Variants in CALN1 observed in about 807,000 individuals in gnomAD.
CALN1 encodes the protein calneuron 1.
CALN1 carries 17 observed loss-of-function variants against 30.6 expected under a neutral mutation model. The ratio of observed to expected loss-of-function variants is 0.56; its 90% CI spans 0.38 to 0.83. The LOEUF (loss-of-function observed/expected upper bound fraction) is 0.83. Ranked by LOEUF, CALN1 falls within the 40% of genes least tolerant of loss-of-function variation. The probability of loss-of-function intolerance (pLI) is 0.00; values close to 1 mark genes in which losing one functional copy is unlikely to be tolerated. For missense variants in CALN1, 291 were observed against 354.9 expected (o/e 0.82, Z 1.45); for synonymous variants, 156 against 131.4 (o/e 1.19, Z -1.28).
At chr7:72,247,223 C>CTTTTTTTTTTTTT (rs1795235414) in intron 3 of CALN1, among the ~76,000 whole-genome samples, 1 of 43,490 alleles carries the variant, frequency 2.3e-5, no homozygotes, top group African/African-American at 6.0e-5. Flanking sequence ...AGACCATTTT[C>CTTTTTTTTTTTTT]TTTCTTTTTT....
intron 2 of CALN1, among the ~76,000 whole-genome samples, chr7:72,383,207 A>G (rs1456211211): frequency 6.6e-6 from 1 of 152,178 alleles, no homozygotes; most frequent in Non-Finnish European, 1.5e-5. Context: ...TATTGTGAAT[A>G]ATGCTGCAAT....
At chr7:72,244,562 C>CTT (rs372526828) in intron 3 of CALN1, among the ~76,000 whole-genome samples, 11 of 143,336 alleles carry the variant, frequency 7.7e-5, no homozygotes, top group African/African-American at 1.8e-4. Flanking sequence ...GAATGAATTC[C>CTT]TTTTTTTTTT....
intron 3 of CALN1, among the ~76,000 whole-genome samples, chr7:72,277,112 A>G (rs1797384851): frequency 6.6e-6 from 1 of 151,946 alleles, no homozygotes; most frequent in African/African-American, 2.4e-5. Flanking sequence ...CCAAGACGCC[A>G]CCCAAGTGAC....
intron 3 of CALN1, among the ~76,000 whole-genome samples, chr7:72,154,736 G>A (rs1787531505): frequency 6.6e-6 from 1 of 152,108 alleles, no homozygotes; most frequent in African/African-American, 2.4e-5. Context: ...GATAAGGCTG[G>A]TGTCCTTAAT....
At chr7:72,250,565 G>A (rs143997114) in intron 3 of CALN1, among the ~76,000 whole-genome samples, 5 of 152,256 alleles carry the variant, frequency 3.3e-5, no homozygotes, top group African/African-American at 1.2e-4. Context: ...GTGATCCCTG[G>A]TGTTGGAGGT....
At chr7:72,344,551 T>C (rs1406172216) in intron 2 of CALN1, among the ~76,000 whole-genome samples, 1 of 147,400 alleles carries the variant, frequency 6.8e-6, no homozygotes, top group Non-Finnish European at 1.5e-5. Flanking sequence ...ATTGAGGGGA[T>C]AAATATATAT....
intron 3 of CALN1, among the ~76,000 whole-genome samples, chr7:72,193,685 T>C (rs1317132992): frequency 3.3e-5 from 5 of 152,242 alleles, no homozygotes; most frequent in African/African-American, 7.2e-5. Context: ...GGTAAGCATC[T>C]ATGTATCTCA....
chr7:71,963,432 A>G (rs1440333277), intron 5 of CALN1, among the ~76,000 whole-genome samples: 1 of 152,028 alleles, frequency 6.6e-6, no homozygotes, highest in African/African-American at 2.4e-5. Flanking sequence ...AAGTGCTGGG[A>G]TTACAGGTGT....
At chr7:72,484,257 A>C in the CALN1 span, among the ~76,000 whole-genome samples, 1 of 136,086 alleles carries the variant, frequency 7.3e-6, no homozygotes, top group South Asian at 2.3e-4. Context: ...TTAAATTTTT[A>C]TAAGTATTCT....
the CALN1 span, among the ~76,000 whole-genome samples, chr7:72,474,271 T>C: frequency 2.6e-5 from 4 of 152,236 alleles, no homozygotes; most frequent in South Asian, 4.1e-4. Context: ...TGTGTGGCAT[T>C]GAAAGAAGAC....
chr7:71,978,894 C>T (rs1798244151), intron 5 of CALN1, among the ~76,000 whole-genome samples: 1 of 152,226 alleles, frequency 6.6e-6, no homozygotes, highest in Non-Finnish European at 1.5e-5. Context: ...CTCTGTGGAT[C>T]TCTTACATTT....
At chr7:71,788,086 A>G (rs946405172) in intron 6 of CALN1, among the ~76,000 whole-genome samples, 184 bp from the exon 7 acceptor site, 2 of 152,216 alleles carry the variant, frequency 1.3e-5, no homozygotes, top group Non-Finnish European at 2.9e-5. Flanking sequence ...GAGACTGCAT[A>G]ATACAAAATG....
At chr7:71,947,613 C>T (rs1796471080) in intron 5 of CALN1, among the ~76,000 whole-genome samples, 1 of 152,038 alleles carries the variant, frequency 6.6e-6, no homozygotes, top group Non-Finnish European at 1.5e-5. Context: ...AATGGGTCAC[C>T]TTGAAATACT....
intron 6 of CALN1, among the ~76,000 whole-genome samples, chr7:71,803,722 A>G (rs2116098430): frequency 6.6e-6 from 1 of 151,510 alleles, no homozygotes; most frequent in South Asian, 2.1e-4. Flanking sequence ...TGATCCTCCC[A>G]CCTCGGCCTC....
chr7:72,462,174 G>GTATT, the CALN1 span, among the ~76,000 whole-genome samples: 683 of 151,794 alleles, frequency 4.5e-3, 4 homozygotes, highest in Middle Eastern at 0.01. Context: ...ATGTATGTAT[G>GTATT]TATGTATTTA....
the CALN1 span, among the ~76,000 whole-genome samples, chr7:72,486,808 CAATA>C: frequency 6.6e-6 from 1 of 152,156 alleles, no homozygotes; most frequent in Non-Finnish European, 1.5e-5. Flanking sequence ...TTCATTCATT[CAATA>C]AATACTCACT....
At chr7:72,357,606 A>T (rs1289813722) in intron 2 of CALN1, among the ~76,000 whole-genome samples, 7 of 151,756 alleles carry the variant, frequency 4.6e-5, no homozygotes, top group Non-Finnish European at 7.3e-5. Context: ...ACTCACGTCA[A>T]ATCAACGGAA....
chr7:71,835,762 G>A (rs370380245), intron 5 of CALN1, among the ~76,000 whole-genome samples: 1 of 152,152 alleles, frequency 6.6e-6, no homozygotes, highest in African/African-American at 2.4e-5. Context: ...AACTGTAGAA[G>A]AAACACACCG....
At chr7:72,321,472 TG>T (rs1430734766) in intron 2 of CALN1, among the ~76,000 whole-genome samples, 10 of 152,172 alleles carry the variant, frequency 6.6e-5, no homozygotes, top group Non-Finnish European at 1.5e-4. Context: ...GTGTTCTCTA[TG>T]GGTTTCAACG....
Sources: gnomAD v4.1 joint callset for allele counts (sites outside exome capture counted in the v4.1 genomes callset) on GRCh38, gnomAD v4.1.1 for gene constraint, MANE v1.5 for transcripts, NCBI Gene and HGNC (gene_info 2026-07-23, HGNC 2026-07-21) for gene names.